TRIM16: variants seen among roughly 807,000 people sequenced by gnomAD.
The protein encoded by TRIM16 is tripartite motif containing 16.
TRIM16 carries 33 observed loss-of-function variants against 50.4 expected under a neutral mutation model. The observed-to-expected ratio is 0.65, with a 90% CI of 0.50 to 0.88. The LOEUF (loss-of-function observed/expected upper bound fraction) is 0.88, where lower values mean the gene tolerates loss of function less well. TRIM16 is among the 40% of genes least tolerant of loss of function. The pLI is 0.00. For synonymous variants in TRIM16, 229 were observed against 270.7 expected, an observed-to-expected ratio of 0.85 and a Z score of 1.51; for missense variants, 581 against 686.8, an observed-to-expected ratio of 0.85 and a Z score of 1.72.
At chr17:15,656,107 C>T (rs1225979914) in intron 6 of TRIM16, among the ~76,000 whole-genome samples, 1 of 152,002 alleles carries the variant, frequency 6.6e-6, no homozygotes, top group Non-Finnish European at 1.5e-5. Context: ...CCTCTGGGAC[C>T]ACAAAATTCA....
intron 7 of TRIM16, among the ~76,000 whole-genome samples, chr17:15,645,383 C>G (rs953251407): frequency 6.6e-6 from 1 of 152,078 alleles, no homozygotes; most frequent in Non-Finnish European, 1.5e-5. Context: ...GCCAGCCCTC[C>G]CAGCCCAGGC....
intron 6 of TRIM16, among the ~76,000 whole-genome samples, chr17:15,676,715 G>A (rs376859905): frequency 7.2e-5 from 11 of 152,172 alleles, no homozygotes; most frequent in African/African-American, 1.2e-4. Flanking sequence ...GATTATAGGC[G>A]TGAGCCACTG....
chr17:15,663,143 A>G (rs78900631), intron 6 of TRIM16, among the ~76,000 whole-genome samples: 2,784 of 152,146 alleles, frequency 0.018, 75 homozygotes, highest in African/African-American at 0.063. Flanking sequence ...TTCTCCTGAA[A>G]CATCTTTCCT....
At chr17:15,666,976 G>C (rs548799381) in intron 6 of TRIM16, among the ~76,000 whole-genome samples, 12 of 152,186 alleles carry the variant, frequency 7.9e-5, no homozygotes, top group Admixed American at 3.3e-4. Context: ...TCTGCCTTGG[G>C]GGGGCGGTGG....
chr17:15,660,624 C>T (rs572162437), intron 6 of TRIM16, among the ~76,000 whole-genome samples: 3 of 152,210 alleles, frequency 2.0e-5, no homozygotes, highest in East Asian at 1.9e-4. Flanking sequence ...AGGGGCCGGG[C>T]GCGGTGGCTC....
At chr17:15,662,491 G>T (rs903672449) in intron 6 of TRIM16, among the ~76,000 whole-genome samples, 3 of 152,248 alleles carry the variant, frequency 2.0e-5, no homozygotes, top group Admixed American at 1.3e-4. Flanking sequence ...ATTCTATTTT[G>T]AATCTCCTGG....
chr17:15,664,264 T>C (rs1423970362), intron 6 of TRIM16, among the ~76,000 whole-genome samples: 3 of 152,204 alleles, frequency 2.0e-5, no homozygotes, highest in Non-Finnish European at 2.9e-5. Context: ...GTAGCAGGAC[T>C]GGACGTAGCC....
intron 6 of TRIM16, among the ~76,000 whole-genome samples, chr17:15,652,823 G>A (rs1407549643): frequency 2.6e-5 from 4 of 151,970 alleles, no homozygotes; most frequent in South Asian, 2.1e-4. Context: ...AGTAATGTCC[G>A]TCACACTCGT....
In TRIM16 at chr17:15,682,977, T is replaced by C. The variant is rs1989241731; in HGVS notation, c.-776-26A>G. On this transcript the variant is annotated intron_variant, in intron 2 of 11. Coordinates refer to ENST00000649191, the MANE Select transcript of TRIM16 (RefSeq NM_001348119.1). ...CTGTAAAGAAAAACTAAAATGAGGTTGTGTGTGCATACTGCAGATTCTTGG... is the reference window on the plus strand; with the variant it reads ...CTGTAAAGAAAAACTAAAATGAGGTCGTGTGTGCATACTGCAGATTCTTGG... 15 of 1,547,886 alleles carry C rather than the reference T, an allele frequency of 9.7e-6. No homozygotes were observed. The Admixed American group carries it at 3.0e-4, about 31-fold the overall frequency.
chr17:15,636,857 A>G (rs1986774744), intron 8 of TRIM16, among the ~76,000 whole-genome samples: 1 of 149,410 alleles, frequency 6.7e-6, no homozygotes, highest in South Asian at 2.2e-4. Context: ...ACATTCAAAT[A>G]AAATATAAAA....
chr17:15,680,345 G>T (rs183949741), intron 4 of TRIM16, among the ~76,000 whole-genome samples: 1 of 141,394 alleles, frequency 7.1e-6, no homozygotes, highest in African/African-American at 2.9e-5. Flanking sequence ...TAATAATAAG[G>T]CCCTATTTAA....
At position 15,683,232 on chromosome 17, in the gene TRIM16, T is replaced by G. The variant is rs1349663693; in HGVS notation, c.-898-75A>C. On this transcript the variant is annotated intron_variant, in intron 1 of 11. Coordinates refer to ENST00000649191, the MANE Select transcript of TRIM16 (RefSeq NM_001348119.1). ...CTTTTTTCATTCTCTGAGACTCTAC[T>G]CAGAACGCAGAGTCTGACGCAGTAT... 5.3e-6 allele frequency: 6 copies of G among 1,132,764 alleles called. No homozygotes were observed. The African/African-American group carries it at 9.4e-5, about 18-fold the overall frequency. The allele number at this position is 1,132,764 out of a possible 1,614,324, so 70.2% of individuals were successfully genotyped here.
chr17:15,629,566 C>G (rs945300835), intron 11 of TRIM16, among the ~76,000 whole-genome samples: 1 of 152,294 alleles, frequency 6.6e-6, no homozygotes, highest in Non-Finnish European at 1.5e-5. Flanking sequence ...GAAGCAGGTA[C>G]TCCTATACCC....
At chr17:15,637,132 C>G (rs1407067261) in intron 8 of TRIM16, among the ~76,000 whole-genome samples, 27 of 130,660 alleles carry the variant, frequency 2.1e-4, no homozygotes, top group African/African-American at 4.6e-4. Flanking sequence ...GGGGGGTCAG[C>G]CCCCCGCCCG....
At chr17:15,662,020 T>G (rs1318746288) in intron 6 of TRIM16, among the ~76,000 whole-genome samples, 1 of 152,164 alleles carries the variant, frequency 6.6e-6, no homozygotes, top group South Asian at 2.1e-4. Flanking sequence ...CTTCCACAGT[T>G]TGGAAAACAT....
intron 6 of TRIM16, among the ~76,000 whole-genome samples, chr17:15,673,293 G>C (rs201368005): frequency 6.6e-6 from 1 of 152,072 alleles, no homozygotes; most frequent in African/African-American, 2.4e-5. Flanking sequence ...AGATATCACC[G>C]TTTATTCAGA....
chr17:15,657,404 T>C (rs1375602951), intron 6 of TRIM16, among the ~76,000 whole-genome samples: 2 of 152,204 alleles, frequency 1.3e-5, no homozygotes, highest in East Asian at 3.9e-4. Flanking sequence ...GCCTGGCTCA[T>C]TATAACCATT....
At chr17:15,664,852 T>C (rs747912875) in intron 6 of TRIM16, among the ~76,000 whole-genome samples, 4 of 151,792 alleles carry the variant, frequency 2.6e-5, no homozygotes, top group Non-Finnish European at 5.9e-5. Context: ...GCCAACATGG[T>C]GAAACCCCGA....
intron 6 of TRIM16, among the ~76,000 whole-genome samples, chr17:15,675,797 G>A (rs1481892834): frequency 6.8e-6 from 1 of 147,134 alleles, no homozygotes; most frequent in Non-Finnish European, 1.5e-5. Flanking sequence ...ATATATACAT[G>A]TGTATATACA....
Sources: gnomAD v4.1 joint callset for allele counts (sites outside exome capture counted in the v4.1 genomes callset) on GRCh38, gnomAD v4.1.1 for gene constraint, MANE v1.5 for transcripts, NCBI Gene and HGNC (gene_info 2026-07-23, HGNC 2026-07-21) for gene names.